The following COA1 variants were observed in gnomAD, a reference collection of about 807,000 sequenced individuals.
COA1 encodes the protein cytochrome c oxidase assembly factor 1.
COA1 carries 13 observed loss-of-function variants against 16.0 expected under a neutral mutation model. The ratio of observed to expected loss-of-function variants is 0.81; its 90% CI spans 0.53 to 1.29. The LOEUF is 1.29. Among genes scored for constraint, COA1 ranks in the 50% most tolerant of loss-of-function variants. The pLI, the probability that COA1 is intolerant of heterozygous loss-of-function variation, is 0.00. For missense variants in COA1, 179 were observed against 177.0 expected (o/e 1.01, Z -0.06); for synonymous variants, 65 against 65.7 (o/e 0.99, Z 0.05).
intron 1 of COA1, among the ~76,000 whole-genome samples, chr7:43,669,032 T>A (rs2093073173): frequency 6.6e-6 from 1 of 152,284 alleles, no homozygotes; most frequent in Middle Eastern, 3.4e-3. Flanking sequence ...AAACTCCAAA[T>A]AGTGCTGCAA....
rs758322865 is a variant in COA1, at chr7:43,644,715, TAGATAGATAGATAGATAGATAGATA to T, written c.264+511_264+535del. ...CTAAATTATAGATAGATAGATTAGA[TAGATAGATAGATAGATAGATAGATA>T]GATAGATAGATAGATAGATAGGCAG... On this transcript the variant is annotated intron_variant, in intron 4 of 5. Transcript: ENST00000223336. 3.6e-5 allele frequency among the ~76,000 whole-genome samples: 3 copies of T among 83,124 alleles called. No individual in the cohort carries two copies. In the Admixed American group the frequency reaches 4.0e-4, roughly 11 times the overall value. 54.5% of individuals were successfully genotyped at this position (83,124 alleles called of 152,430 possible).
intron 1 of COA1, among the ~76,000 whole-genome samples, chr7:43,717,701 G>A (rs1301179421): frequency 1.3e-5 from 2 of 151,990 alleles, no homozygotes; most frequent in Admixed American, 6.6e-5. Flanking sequence ...GCCGGGGGGG[G>A]AACAATATGG....
At chr7:43,707,848 C>A (rs375240816) in intron 1 of COA1, among the ~76,000 whole-genome samples, 1 of 152,204 alleles carries the variant, frequency 6.6e-6, no homozygotes, top group Non-Finnish European at 1.5e-5. Flanking sequence ...ACTACTTCAA[C>A]GCACACATGC....
chr7:43,636,605 G>A (rs2085917268), downstream of COA1, among the ~76,000 whole-genome samples: 1 of 152,176 alleles, frequency 6.6e-6, no homozygotes, highest in South Asian at 2.1e-4. Context: ...AGGAACTATT[G>A]TTAAGTTCTG....
At chr7:43,637,699 T>C (rs1448514069), downstream of COA1, among the ~76,000 whole-genome samples, 1 of 152,202 alleles carries the variant, frequency 6.6e-6, no homozygotes, top group African/African-American at 2.4e-5. Context: ...GCACAGGAAG[T>C]AAATGTGAAC....
intron 6 of COA1, among the ~76,000 whole-genome samples, chr7:43,628,723 TTTTTTCC>T (rs1441565677): frequency 1.3e-5 from 2 of 152,188 alleles, no homozygotes; most frequent in East Asian, 3.8e-4. Context: ...TTTCATGTCC[TTTTTTCC>T]TTTTAATTGG....
chr7:43,706,025 T>C (rs1443133454), intron 1 of COA1, among the ~76,000 whole-genome samples: 3 of 152,170 alleles, frequency 2.0e-5, no homozygotes, highest in Non-Finnish European at 4.4e-5. Flanking sequence ...CTGGCCTACT[T>C]GATGGCCTGG....
chr7:43,720,198 G>C (rs1056799750), intron 1 of COA1, among the ~76,000 whole-genome samples: 7 of 152,020 alleles, frequency 4.6e-5, no homozygotes, highest in African/African-American at 1.4e-4. Context: ...AGAATTGCTT[G>C]AAACCGGGAG....
intron 1 of COA1, among the ~76,000 whole-genome samples, chr7:43,664,896 C>CAT (rs1409458355): frequency 6.6e-6 from 1 of 152,202 alleles, no homozygotes; most frequent in Non-Finnish European, 1.5e-5. Flanking sequence ...ATCCTGCTTA[C>CAT]ATTTCCTTTA....
intron 1 of COA1, among the ~76,000 whole-genome samples, chr7:43,705,743 AG>A (rs2094945693): frequency 1.3e-5 from 2 of 152,212 alleles, no homozygotes; most frequent in Non-Finnish European, 2.9e-5. Flanking sequence ...TCAACTCTCC[AG>A]GAAGTTCTTC....
downstream of COA1, among the ~76,000 whole-genome samples, chr7:43,637,845 G>A (rs532103023): frequency 1.1e-4 from 16 of 152,354 alleles, no homozygotes; most frequent in South Asian, 2.1e-4. Context: ...CTTCAGAACA[G>A]ATGGCCAACC....
intron 1 of COA1, among the ~76,000 whole-genome samples, chr7:43,716,250 C>T (rs754083368): frequency 4.6e-5 from 7 of 151,948 alleles, no homozygotes; most frequent in African/African-American, 1.2e-4. Flanking sequence ...AAAGAAGACA[C>T]GAAAATGTGG....
chr7:43,706,371 C>A (rs1160647721), intron 1 of COA1, among the ~76,000 whole-genome samples: 1 of 151,356 alleles, frequency 6.6e-6, no homozygotes, highest in African/African-American at 2.4e-5. Flanking sequence ...CCCATCTCTA[C>A]AAAAAAATAA....
chr7:43,643,476 T>A (rs1264386369), intron 4 of COA1, among the ~76,000 whole-genome samples: 2 of 152,244 alleles, frequency 1.3e-5, no homozygotes, highest in Non-Finnish European at 2.9e-5. Context: ...TCCGGTGGCC[T>A]GGCACAGAGT....
intron 1 of COA1, among the ~76,000 whole-genome samples, chr7:43,726,660 T>C (rs965572015): frequency 2.6e-5 from 4 of 152,220 alleles, no homozygotes; most frequent in African/African-American, 9.6e-5. Flanking sequence ...CACGTAGTTG[T>C]TGGAAAACCA....
intron 1 of COA1, among the ~76,000 whole-genome samples, chr7:43,714,174 C>T (rs1018805226): frequency 6.6e-6 from 1 of 150,834 alleles, no homozygotes; most frequent in South Asian, 2.1e-4. Flanking sequence ...GGTGACAGAG[C>T]AAAACCATGT....
At chr7:43,621,672 G>A (rs1300706686) in intron 6 of COA1, among the ~76,000 whole-genome samples, 1 of 152,100 alleles carries the variant, frequency 6.6e-6, no homozygotes, top group Non-Finnish European at 1.5e-5. Context: ...GGGTCTCACT[G>A]TGTTGCCCAG....
intron 1 of COA1, among the ~76,000 whole-genome samples, chr7:43,709,574 C>T (rs532914209): frequency 6.6e-6 from 1 of 152,062 alleles, no homozygotes; most frequent in East Asian, 1.9e-4. Flanking sequence ...TAAGTATCTA[C>T]ATATTCACAT....
chr7:43,716,124 C>T (rs144402317), intron 1 of COA1, among the ~76,000 whole-genome samples: 5,556 of 152,080 alleles, frequency 0.037, 307 homozygotes, highest in African/African-American at 0.12. Context: ...AGCATGAAAA[C>T]GGACTAATAA....
Sources: gnomAD v4.1 joint callset for allele counts (sites outside exome capture counted in the v4.1 genomes callset) on GRCh38, gnomAD v4.1.1 for gene constraint, MANE v1.5 for transcripts, NCBI Gene and HGNC (gene_info 2026-07-23, HGNC 2026-07-21) for gene names.